SYT14: variants seen among roughly 807,000 people sequenced by gnomAD.
SYT14 encodes the protein synaptotagmin 14, also known as synaptotagmin-14.
Under a neutral mutation model 74.2 loss-of-function variants are expected in SYT14, and 32 were observed. That is an observed-to-expected ratio of 0.43 (90% CI 0.33 to 0.58). SYT14 has a LOEUF of 0.58. Among genes scored for constraint, SYT14 ranks in the 20% least tolerant of loss-of-function variants. The pLI, the probability that SYT14 is intolerant of heterozygous loss-of-function variation, is 0.05. For synonymous variants in SYT14, 298 were observed against 337.7 expected (o/e 0.88, Z 1.29); for missense variants, 791 against 981.8 (o/e 0.81, Z 2.60).
chr1:210,107,162 A>G (rs1326400459), intron 7 of SYT14, among the ~76,000 whole-genome samples: 1 of 152,250 alleles, frequency 6.6e-6, no homozygotes, highest in Non-Finnish European at 1.5e-5. Flanking sequence ...ATGGGCTCCC[A>G]CAGCCTTGGG....
intron 5 of SYT14, among the ~76,000 whole-genome samples, chr1:210,026,963 G>A (rs1378086761): frequency 1.3e-5 from 2 of 151,950 alleles, no homozygotes; most frequent in Non-Finnish European, 2.9e-5. Context: ...GTTAAAGTTA[G>A]GTATATTACA....
At chr1:210,039,602 A>C (rs923442185) in intron 5 of SYT14, among the ~76,000 whole-genome samples, 1 of 152,190 alleles carries the variant, frequency 6.6e-6, no homozygotes, top group Non-Finnish European at 1.5e-5. Context: ...CAGGCACCCT[A>C]CAGGATGGGA....
At chr1:210,055,415 G>T (rs2081076257) in intron 5 of SYT14, among the ~76,000 whole-genome samples, 1 of 152,080 alleles carries the variant, frequency 6.6e-6, no homozygotes, top group African/African-American at 2.4e-5. Flanking sequence ...AAAAGTAAAA[G>T]TTAATGAACT....
At chr1:210,009,345 GAA>G (rs2080044378) in intron 2 of SYT14, among the ~76,000 whole-genome samples, 1 of 152,086 alleles carries the variant, frequency 6.6e-6, no homozygotes, top group South Asian at 2.1e-4. Flanking sequence ...ATTTTTATTA[GAA>G]GATATTTTAT....
At chr1:210,051,678 CT>C (rs1046156676) in intron 5 of SYT14, among the ~76,000 whole-genome samples, 3 of 151,836 alleles carry the variant, frequency 2.0e-5, no homozygotes, top group African/African-American at 7.3e-5. Flanking sequence ...TTGCATTTTT[CT>C]TTTGTTACTT....
At chr1:210,027,859 T>C (rs1457746996) in intron 5 of SYT14, among the ~76,000 whole-genome samples, 2 of 152,188 alleles carry the variant, frequency 1.3e-5, no homozygotes, top group Non-Finnish European at 1.5e-5. Context: ...TTTTATTTTT[T>C]ACATCTACAG....
At chr1:210,126,160 C>T (rs2082565007) in intron 7 of SYT14, among the ~76,000 whole-genome samples, 1 of 151,782 alleles carries the variant, frequency 6.6e-6, no homozygotes. Flanking sequence ...CTGAGATCAC[C>T]CCAGTGCACT....
chr1:209,953,882 A>T (rs1028194528), intron 2 of SYT14, among the ~76,000 whole-genome samples: 23 of 152,196 alleles, frequency 1.5e-4, no homozygotes, highest in African/African-American at 5.3e-4. Flanking sequence ...TAGGATTGTG[A>T]TTCTCATGCT....
At chr1:210,137,618 G>T (rs1003241113) in intron 7 of SYT14, among the ~76,000 whole-genome samples, 2 of 151,200 alleles carry the variant, frequency 1.3e-5, no homozygotes, top group Admixed American at 1.3e-4. Context: ...AGGTAGAGTA[G>T]GTTGATTTGA....
At position 209,973,620 on chromosome 1, in the gene SYT14, G is replaced by A. The variant is rs142202536; in HGVS notation, c.-486+20864G>A. Among the ~76,000 whole-genome samples, 2,303 of 152,174 alleles carry A rather than the reference G, an allele frequency of 0.015. 170 individuals carry two copies. The East Asian group carries it at 0.23, about 16-fold the overall frequency. ...TTAATCCAGTCTATCATTGGTGGAC[G>A]TTGGGTTGGTTCCAAGTCTTTGCTA... On this transcript the variant is annotated intron_variant, in intron 2 of 9. Transcript: ENST00000637265.
At chr1:209,954,244 C>G (rs1473167271) in intron 2 of SYT14, among the ~76,000 whole-genome samples, 1 of 151,966 alleles carries the variant, frequency 6.6e-6, no homozygotes, top group Non-Finnish European at 1.5e-5. Flanking sequence ...GAGCAGAAAG[C>G]TACAATGGAG....
At chr1:209,973,859 C>T (rs2079305436) in intron 2 of SYT14, among the ~76,000 whole-genome samples, 1 of 152,194 alleles carries the variant, frequency 6.6e-6, no homozygotes, top group Admixed American at 6.5e-5. Flanking sequence ...TCTCCACATC[C>T]TCTCCAGCAC....
chr1:210,085,302 C>T (rs992921779), intron 5 of SYT14, among the ~76,000 whole-genome samples: 1 of 152,196 alleles, frequency 6.6e-6, no homozygotes, highest in African/African-American at 2.4e-5. Context: ...GGGTTTTCTA[C>T]ATCACAATCA....
At chr1:210,159,363 C>A in intron 8 of SYT14, 58 bp from the exon 8 acceptor site, 1 of 1,496,744 alleles carries the variant, frequency 6.7e-7, no homozygotes, top group Non-Finnish European at 9.1e-7. Context: ...CCCTCTTTCA[C>A]CCAACGATTG....
At chr1:210,012,709 T>A (rs538335407) in intron 2 of SYT14, among the ~76,000 whole-genome samples, 190 of 143,186 alleles carry the variant, frequency 1.3e-3, no homozygotes, top group Middle Eastern at 3.6e-3. Context: ...TCTTTCTTTC[T>A]TTTTTTTTTT....
intron 5 of SYT14, among the ~76,000 whole-genome samples, chr1:210,050,428 C>T (rs1020194139): frequency 7.9e-5 from 12 of 152,188 alleles, no homozygotes; most frequent in African/African-American, 2.4e-4. Context: ...CAAACTTTCC[C>T]ACATTTTTCT....
chr1:210,141,175 C>G (rs1024668152), intron 7 of SYT14, among the ~76,000 whole-genome samples: 4 of 151,770 alleles, frequency 2.6e-5, no homozygotes, highest in African/African-American at 7.3e-5. Context: ...CATGAGATGT[C>G]TTTTCATTTA....
intron 2 of SYT14, among the ~76,000 whole-genome samples, chr1:209,978,967 A>T (rs1403067149): frequency 1.3e-5 from 2 of 152,134 alleles, no homozygotes; most frequent in African/African-American, 4.8e-5. Context: ...CTGTGCTAGG[A>T]ATCAGCGAGG....
At chr1:210,068,736 C>A (rs1028505690) in intron 5 of SYT14, among the ~76,000 whole-genome samples, 1 of 151,330 alleles carries the variant, frequency 6.6e-6, no homozygotes, top group African/African-American at 2.4e-5. Flanking sequence ...AAAAATAATT[C>A]TTTAATTATT....
Sources: allele counts gnomAD v4.1 joint callset (sites outside exome capture counted in the v4.1 genomes callset), GRCh38; gene constraint gnomAD v4.1.1; transcripts MANE v1.5; gene names NCBI Gene and HGNC (gene_info 2026-07-23, HGNC 2026-07-21).